Variants in ENTPD3 observed in about 807,000 individuals in gnomAD.
ENTPD3 encodes the protein CD39 antigen-like 3.
In ENTPD3, 60 loss-of-function variants were observed where a neutral mutation model predicts 51.2. The observed-to-expected ratio is 1.17, with a 90% CI of 0.95 to 1.45. ENTPD3 has a LOEUF of 1.45. Ranked by LOEUF, ENTPD3 falls within the 40% of genes most tolerant of loss-of-function variation. ENTPD3 has a pLI of 0.00. For synonymous variants in ENTPD3, 221 were observed against 238.4 expected (o/e 0.93, Z 0.67); for missense variants, 593 against 641.1 (o/e 0.93, Z 0.81).
chr3:40,422,378 T>C (rs1955896039), intron 7 of ENTPD3, among the ~76,000 whole-genome samples: 2 of 151,362 alleles, frequency 1.3e-5, no homozygotes, highest in Non-Finnish European at 2.9e-5. Flanking sequence ...TTATTATACT[T>C]TAAGTTTTAG....
intron 5 of ENTPD3, 46 bp from the exon 6 acceptor site, chr3:40,414,635 T>G (rs912966385): frequency 2.5e-6 from 4 of 1,604,618 alleles, no homozygotes; most frequent in Non-Finnish European, 3.4e-6. Flanking sequence ...ATTTTAAGAC[T>G]GTATTGTCTG....
At position 40,414,441 on chromosome 3, in the gene ENTPD3, T is replaced by C. The variant is rs550712216; in HGVS notation, c.438-240T>C. Among the ~76,000 whole-genome samples, 11 of 152,320 alleles carry C rather than the reference T, an allele frequency of 7.2e-5. No homozygotes were observed. The East Asian group carries it at 1.7e-3, about 24-fold the overall frequency. On this transcript the variant is annotated intron_variant, in intron 5 of 10. Transcript: ENST00000301825. ...GGGTGGGGAGAACAAATTGTACTTA[T>C]GCTGAAAGCAATTTTCCTGCTTGGC... is the stretch of plus-strand genomic sequence containing the variant.
At chr3:40,406,040 T>C (rs1955487108) in intron 4 of ENTPD3, among the ~76,000 whole-genome samples, 1 of 152,080 alleles carries the variant, frequency 6.6e-6, no homozygotes, top group African/African-American at 2.4e-5. Context: ...ATGAGGAAGA[T>C]AGACAAAAAA....
chr3:40,423,436 C>G, intron 9 of ENTPD3, 35 bp downstream of exon 9: 1 of 1,390,274 alleles, frequency 7.2e-7, no homozygotes, highest in Non-Finnish European at 1.0e-6. Flanking sequence ...AATGTCAGTA[C>G]AAAAAAATAT....
chr3:40,402,376 C>G (rs1269388388), intron 4 of ENTPD3, among the ~76,000 whole-genome samples: 2 of 152,052 alleles, frequency 1.3e-5, no homozygotes, highest in Non-Finnish European at 2.9e-5. Flanking sequence ...GCCTCGGCCT[C>G]CCAAAGTGCT....
chr3:40,392,245 C>G, intron 3 of ENTPD3, 95 bp downstream of exon 3: 1 of 1,452,664 alleles, frequency 6.9e-7, no homozygotes, highest in Non-Finnish European at 9.4e-7. Flanking sequence ...AGCAGAAAAT[C>G]CTTTCCCCCC....
At position 40,417,897 on chromosome 3, in the gene ENTPD3, G is replaced by T. The variant is rs57222305; in HGVS notation, c.831+1824G>T. Among the ~76,000 whole-genome samples, 865 of 152,298 alleles carry T rather than the reference G, an allele frequency of 5.7e-3. 9 individuals are homozygous for T. The highest frequency in any genetic ancestry group is 0.019 in the African/African-American group (808 of 41,564). ...GGTGAAATCCTCCTTTTTCCAGGGT[G>T]AGTGAGGATCAGAGAGGCTAATCTT... On this transcript the variant is annotated intron_variant, in intron 7 of 10. Coordinates refer to ENST00000301825, the MANE Select transcript of ENTPD3 (RefSeq NM_001248.4).
At chr3:40,412,005 A>G in intron 5 of ENTPD3, 43 bp downstream of exon 5, 1 of 1,549,064 alleles carries the variant, frequency 6.5e-7, no homozygotes, top group African/African-American at 1.4e-5. Context: ...GACCAAAATA[A>G]CCAAGAATAT....
chr3:40,404,111 A>T (rs1955437985), intron 4 of ENTPD3, among the ~76,000 whole-genome samples: 1 of 152,198 alleles, frequency 6.6e-6, no homozygotes, highest in African/African-American at 2.4e-5. Flanking sequence ...TCAAAGACAG[A>T]GACTATGTGC....
At chr3:40,414,912 GAGGTACATGCC>G (rs1955710800) in intron 6 of ENTPD3, 72 bp downstream of exon 6, 1 of 1,495,204 alleles carries the variant, frequency 6.7e-7, no homozygotes, top group Non-Finnish European at 9.3e-7. Flanking sequence ...AGCCTAAGTA[GAGGTACATGCC>G]ATCAGGGATA....
chr3:40,405,160 T>G (rs1955460775), intron 4 of ENTPD3, among the ~76,000 whole-genome samples: 2 of 152,078 alleles, frequency 1.3e-5, no homozygotes, highest in African/African-American at 4.8e-5. Flanking sequence ...TCTCCTCCAT[T>G]AAAATCCCTC....
In ENTPD3 at chr3:40,400,965, GAAT is replaced by G. The variant is rs1559510023; in HGVS notation, c.245_247del (p.Asn82del). ...TGTATCAATGGCCAGCAGAAAAAGA[GAAT>G]AATACCGGAGTGGTCAGTCAAACCT... On this transcript the variant is annotated inframe_deletion, in exon 4 of 11. Coordinates refer to ENST00000301825, the MANE Select transcript of ENTPD3 (RefSeq NM_001248.4). The G allele has an allele frequency of 6.2e-7, 1 of 1,613,880 alleles. No homozygotes were observed. Among genetic ancestry groups the G allele is most frequent in the Non-Finnish European group, 8.5e-7 (1 of 1,180,012 alleles).
In ENTPD3 at chr3:40,423,930, G is replaced by A. The variant is rs4470483; in HGVS notation, c.1320G>A (p.Glu440=). The A allele has an allele frequency of 6.2e-7, 1 of 1,614,094 alleles. No individual in the cohort carries two copies. The highest frequency in any genetic ancestry group is 8.5e-7 in the Non-Finnish European group (1 of 1,180,002). The change falls in exon 10 of 11, where the codon GAG becomes GAA. Residue 440 remains glutamate, a synonymous_variant. Transcript: ENST00000301825. ...TTGTGAACGGTTACAAATTCACAGA[G>A]GAGACTTGGCCCCAAATACACTTTG... The part of the protein sequence containing the change: ...HLFVNGYKFT[E]ETWPQIHFEK...
chr3:40,413,323 G>A (rs1226530233), intron 5 of ENTPD3, among the ~76,000 whole-genome samples: 1 of 152,074 alleles, frequency 6.6e-6, no homozygotes, highest in Admixed American at 6.5e-5. Context: ...CTTGACTTCA[G>A]GTAATAAGTT....
At position 40,420,516 on chromosome 3, in the gene ENTPD3, C is replaced by T. The variant is rs138660165; in HGVS notation, c.832-2334C>T. Among the ~76,000 whole-genome samples, 801 of 152,046 alleles carry T rather than the reference C, an allele frequency of 5.3e-3. 7 individuals carry two copies. The highest frequency in any genetic ancestry group is 0.018 in the African/African-American group (732 of 41,502). ...GGCCTCCCAAAGTGCTGGAATTACA[C>T]GTGTGAGCCACCACGCCCCGCATAT... On this transcript the variant is annotated intron_variant, in intron 7 of 10. Coordinates refer to ENST00000301825, the MANE Select transcript of ENTPD3 (RefSeq NM_001248.4).
intron 9 of ENTPD3, 128 bp downstream of exon 9, chr3:40,423,529 A>G (rs1269921182): frequency 9.1e-6 from 7 of 766,476 alleles, no homozygotes; most frequent in Admixed American, 2.9e-5. Flanking sequence ...AATAAAAGGA[A>G]TAAGGGAATC....
At chr3:40,387,482 C>T (rs976178367) in intron 1 of ENTPD3, 4 of 152,514 alleles carry the variant, frequency 2.6e-5, no homozygotes, top group Admixed American at 2.0e-4. Flanking sequence ...CATGGATCCG[C>T]AGATGTGCTG....
chr3:40,393,671 C>T (rs1341131448), intron 3 of ENTPD3, among the ~76,000 whole-genome samples: 1 of 152,030 alleles, frequency 6.6e-6, no homozygotes, highest in Non-Finnish European at 1.5e-5. Flanking sequence ...AAACCTTATG[C>T]AATCACCCAA....
intron 3 of ENTPD3, 40 bp from the exon 4 acceptor site, chr3:40,400,854 G>T: frequency 6.6e-7 from 1 of 1,522,988 alleles, no homozygotes; most frequent in Non-Finnish European, 9.1e-7. Flanking sequence ...CCTCAGAGGA[G>T]TCCCGCCCAT....
Sources: allele counts gnomAD v4.1 joint callset (sites outside exome capture counted in the v4.1 genomes callset), GRCh38; gene constraint gnomAD v4.1.1; transcripts MANE v1.5; gene names NCBI Gene and HGNC (gene_info 2026-07-23, HGNC 2026-07-21).